CACNA1D: variants seen among roughly 807,000 people sequenced by gnomAD.
The protein encoded by CACNA1D is calcium voltage-gated channel subunit alpha1 D, also known as voltage-dependent L-type calcium channel subunit alpha-1D.
A neutral mutation model predicts 257.1 loss-of-function variants in CACNA1D; 55 were observed. The observed-to-expected ratio is 0.21, with a 90% CI of 0.17 to 0.27. The LOEUF is 0.27. Among genes scored for constraint, CACNA1D ranks in the 10% least tolerant of loss-of-function variants. The probability of loss-of-function intolerance (pLI) is 1.00; values close to 1 mark genes in which losing one functional copy is unlikely to be tolerated. For synonymous variants in CACNA1D, 980 were observed against 1,014.9 expected (o/e 0.97, Z 0.65); for missense variants, 1,876 against 2,784.0 (o/e 0.67, Z 7.34).
chr3:53,607,618 A>T (rs2093528947), intron 3 of CACNA1D, among the ~76,000 whole-genome samples: 1 of 152,252 alleles, frequency 6.6e-6, no homozygotes. Context: ...AACCCGAATT[A>T]GTCTGAAAGT....
At chr3:53,711,672 C>A (rs1388786080) in intron 9 of CACNA1D, among the ~76,000 whole-genome samples, 1 of 152,178 alleles carries the variant, frequency 6.6e-6, no homozygotes, top group East Asian at 1.9e-4. Context: ...TGGCCTCTGG[C>A]CCCATGGGAA....
chr3:53,534,456 A>T (rs1235277810), intron 3 of CACNA1D, among the ~76,000 whole-genome samples: 1 of 152,162 alleles, frequency 6.6e-6, no homozygotes, highest in Non-Finnish European at 1.5e-5. Flanking sequence ...AGAAAGACGG[A>T]GTCTGCATAA....
chr3:53,634,324 C>T (rs1195355226), intron 3 of CACNA1D, among the ~76,000 whole-genome samples: 1 of 152,202 alleles, frequency 6.6e-6, no homozygotes, highest in Non-Finnish European at 1.5e-5. Context: ...GATTGTCCTC[C>T]ATAGTTATGA....
chr3:53,589,205 C>T (rs990069567), intron 3 of CACNA1D, among the ~76,000 whole-genome samples: 7 of 152,184 alleles, frequency 4.6e-5, no homozygotes, highest in Non-Finnish European at 1.0e-4. Flanking sequence ...AACTTACAAA[C>T]TAAGAGGAAG....
In CACNA1D at chr3:53,704,236, C is replaced by T. The variant is rs1222536320; in HGVS notation, c.1390+1426C>T. 1.3e-5 allele frequency among the ~76,000 whole-genome samples: 2 copies of T among 152,006 alleles called. 1 individual carries two copies. The highest frequency in any genetic ancestry group is 4.8e-5 in the African/African-American group (2 of 41,320). On this transcript the variant is annotated intron_variant, in intron 9 of 47. Transcript: ENST00000350061. ...CTTGACTGAGAGGGCCCTTACCTTT[C>T]TTCAAGCCTGGGCTCTGTGCCTCCA... is the stretch of plus-strand genomic sequence containing the variant.
rs757845616 is a variant in CACNA1D at position 53,724,037 on chromosome 3, A to C, written c.2100+38A>C. On this transcript the variant is annotated intron_variant, in intron 14 of 47. Coordinates refer to ENST00000350061, the MANE Select transcript of CACNA1D (RefSeq NM_001128840.3). ...TCCATTCCCCGAAAAGCACTTCGTG[A>C]GCAGCAGCTAAAACTCCTCTGCCTT... The C allele has an allele frequency of 3.3e-6, 5 of 1,531,348 alleles. No homozygotes were observed. The East Asian group carries it at 1.1e-4, about 34-fold the overall frequency. The allele number at this position is 1,531,348 out of a possible 1,614,324, so 94.9% of individuals were successfully genotyped here.
chr3:53,614,250 G>A (rs1339793071), intron 3 of CACNA1D, among the ~76,000 whole-genome samples: 5 of 152,158 alleles, frequency 3.3e-5, no homozygotes, highest in African/African-American at 9.7e-5. Flanking sequence ...GTGGTTCACT[G>A]AATGGCATAG....
chr3:53,595,455 C>T (rs1175837822), intron 3 of CACNA1D, among the ~76,000 whole-genome samples: 6 of 152,196 alleles, frequency 3.9e-5, no homozygotes, highest in Admixed American at 3.9e-4. Context: ...ATAGGGTTGC[C>T]TTGAAGCTCT....
chr3:53,615,782 A>C (rs976674344), intron 3 of CACNA1D, among the ~76,000 whole-genome samples: 1 of 152,210 alleles, frequency 6.6e-6, no homozygotes, highest in Admixed American at 6.5e-5. Context: ...TTTTGTTCCA[A>C]CTGGCGCTGT....
At position 53,793,960 on chromosome 3, in the gene CACNA1D, C is replaced by A. The variant is rs1205950254; in HGVS notation, c.4924-6289C>A. Among the ~76,000 whole-genome samples, 1 of 152,236 alleles carries A rather than the reference C, an allele frequency of 6.6e-6. No individual in the cohort carries two copies. The highest frequency in any genetic ancestry group is 1.5e-5 in the Non-Finnish European group (1 of 68,050). On this transcript the variant is annotated intron_variant, in intron 40 of 47. Coordinates refer to ENST00000350061, the MANE Select transcript of CACNA1D (RefSeq NM_001128840.3). The surrounding 1 kb of genome is among the most constrained non-coding windows in gnomAD (Gnocchi z 4.1). ...ACCAGCATCCATAGGCTAAACTCTT[C>A]AGCTCCTGGATAGAAGATGAGAGGC...
chr3:53,701,839 A>G (rs73842089), intron 8 of CACNA1D, among the ~76,000 whole-genome samples: 2 of 152,318 alleles, frequency 1.3e-5, no homozygotes, highest in African/African-American at 4.8e-5. Context: ...TAAACACCCC[A>G]CAATTGGGAA....
chr3:53,564,444 G>T (rs979724516), intron 3 of CACNA1D, among the ~76,000 whole-genome samples: 6 of 152,054 alleles, frequency 3.9e-5, no homozygotes, highest in Non-Finnish European at 5.9e-5. Flanking sequence ...TTGCTGGGTT[G>T]TCTTTTGAAT....
chr3:53,543,091 T>TAA (rs202132960), intron 3 of CACNA1D, among the ~76,000 whole-genome samples: 43 of 96,032 alleles, frequency 4.5e-4, no homozygotes, highest in African/African-American at 1.6e-3. Context: ...ATAATAAAAT[T>TAA]AAAAAAAAAA....
intron 3 of CACNA1D, among the ~76,000 whole-genome samples, chr3:53,634,919 C>A (rs769111726): frequency 6.6e-6 from 1 of 152,066 alleles, no homozygotes; most frequent in Admixed American, 6.6e-5. Context: ...CAGTCTTGGG[C>A]TTCCTTAAAA....
At chr3:53,541,824 A>ACCC (rs1559814377) in intron 3 of CACNA1D, among the ~76,000 whole-genome samples, 1 of 152,128 alleles carries the variant, frequency 6.6e-6, no homozygotes, top group East Asian at 1.9e-4. Flanking sequence ...GTATTTGTAT[A>ACCC]ACGGTCTTTT....
At chr3:53,674,092 G>A (rs2094350841) in intron 8 of CACNA1D, 1 of 537,780 alleles carries the variant, frequency 1.9e-6, no homozygotes, top group Non-Finnish European at 3.4e-6. Context: ...GATTACAAGT[G>A]AGTTAAAGGA....
Position 53,751,737 on chromosome 3 carries a change from C to G in CACNA1D, c.3517-12C>G. 6.2e-7 allele frequency: 1 copy of G among 1,614,200 alleles called. No homozygotes were observed. Among genetic ancestry groups the G allele is most frequent in the Middle Eastern group, 1.7e-4 (1 of 6,060 alleles). On this transcript the variant is annotated splice_polypyrimidine_tract_variant and intron_variant, in intron 27 of 47. Transcript: ENST00000350061. The surrounding 1 kb of genome is among the most constrained non-coding windows in gnomAD (Gnocchi z 4.3). Reference sequence around the variant, plus strand: ...CTCAGAACCCCGTTTCTGCCCTTTTCTGCTGTTGCAGCGTCAGTGTGTTGA... The same window carrying G: ...CTCAGAACCCCGTTTCTGCCCTTTTGTGCTGTTGCAGCGTCAGTGTGTTGA...
At chr3:53,662,944 A>G (rs1002637426) in intron 5 of CACNA1D, among the ~76,000 whole-genome samples, 1 of 152,246 alleles carries the variant, frequency 6.6e-6, no homozygotes, top group African/African-American at 2.4e-5. Context: ...AAACCTGGCC[A>G]TGGGGATTGG....
At chr3:53,728,330 G>A (rs2094956178) in intron 15 of CACNA1D, among the ~76,000 whole-genome samples, 1 of 152,020 alleles carries the variant, frequency 6.6e-6, no homozygotes, top group South Asian at 2.1e-4. Context: ...GTAGAGATGG[G>A]GTTTCTCCAT....
Sources: gnomAD v4.1 joint callset for allele counts (sites outside exome capture counted in the v4.1 genomes callset) on GRCh38, gnomAD v4.1.1 for gene constraint, Gnocchi (gnomAD v3.1) non-coding constraint, MANE v1.5 for transcripts, NCBI Gene and HGNC (gene_info 2026-07-23, HGNC 2026-07-21) for gene names.